MDH1: variants seen among roughly 807,000 people sequenced by gnomAD.
MDH1 encodes the protein malate dehydrogenase 1, also known as malate dehydrogenase, cytoplasmic.
In MDH1, 15 loss-of-function variants were observed where a neutral mutation model predicts 38.7. The ratio of observed to expected loss-of-function variants is 0.39; its 90% CI spans 0.26 to 0.60. The LOEUF (loss-of-function observed/expected upper bound fraction) is 0.60, where lower values mean the gene tolerates loss of function less well. Ranked by LOEUF, MDH1 falls within the 20% of genes least tolerant of loss-of-function variation. The pLI is 0.56. For synonymous variants in MDH1, 144 were observed against 143.6 expected (o/e 1.00, Z -0.02); for missense variants, 368 against 405.2 (o/e 0.91, Z 0.79).
Position 63,605,937 on chromosome 2 carries a change from A to G in MDH1, c.790-2A>G. On this transcript the variant is annotated splice_acceptor_variant, in intron 7 of 8. Coordinates refer to ENST00000233114, the MANE Select transcript of MDH1 (RefSeq NM_005917.4). LOFTEE classifies it high-confidence loss of function. ...GAGTATGTGAAACATTGTTATTTTC[A>G]GGGAGAGTTTGTGTCCATGGGTGTT... 1 of 1,612,416 alleles carries G rather than the reference A, an allele frequency of 6.2e-7. No homozygotes were observed. Among genetic ancestry groups the G allele is most frequent in the Non-Finnish European group, 8.5e-7 (1 of 1,178,384 alleles).
chr2:63,605,369 G>A lies in MDH1; in HGVS notation c.765G>A (p.Arg255=), dbSNP rs1346659320. Residue 255 remains arginine, a synonymous_variant, in exon 7 of 9, where the codon AGG becomes AGA. Coordinates refer to ENST00000233114, the MANE Select transcript of MDH1 (RefSeq NM_005917.4). ...SAAKAICDHV[R]DIWFGTPEGE... is the part of the protein sequence containing the mutation. ...CAAAAGCCATCTGTGACCACGTCAG[G>A]GACATCTGGTTTGGAACCCCAGAGG... 2.5e-6 allele frequency: 4 copies of A among 1,614,046 alleles called. No individual in the cohort carries two copies. The highest frequency in any genetic ancestry group is 3.4e-6 in the Non-Finnish European group (4 of 1,179,920).
At chr2:63,599,030 C>T (rs7591566) in intron 4 of MDH1, 140 bp from the exon 5 acceptor site, 1 of 586,034 alleles carries the variant, frequency 1.7e-6, no homozygotes, top group Non-Finnish European at 2.7e-6. Context: ...AATGCATTTT[C>T]CTATGCTATA....
At chr2:63,592,409 C>T (rs1462217358) in intron 1 of MDH1, among the ~76,000 whole-genome samples, 1 of 152,216 alleles carries the variant, frequency 6.6e-6, no homozygotes, top group Admixed American at 6.5e-5. Flanking sequence ...GAAGTGCACT[C>T]ACACAGTAAT....
At position 63,595,433 on chromosome 2, in the gene MDH1, T is replaced by C; in HGVS notation, c.113T>C (p.Leu38Pro). The C allele has an allele frequency of 6.2e-7, 1 of 1,607,132 alleles. No individual in the cohort carries two copies. Among genetic ancestry groups the C allele is most frequent in the Non-Finnish European group, 8.5e-7 (1 of 1,173,640 alleles). Residue 38 changes from leucine to proline, a missense_variant, in exon 3 of 9, where the codon CTT (leucine) becomes CCT (proline). Physicochemically the swap from Leu to Pro is moderately conservative, Grantham distance 98 (BLOSUM62 -3). Transcript: ENST00000233114. ...SVFGKDQPIILVLLDITPMMG... is the reference protein window; with the variant it reads ...SVFGKDQPIIPVLLDITPMMG... ...CTTGCTATTTGGTAGCCTATAATTC[T>C]TGTGCTGTTGGATATCACCCCCATG...
chr2:63,588,983 G>A lies in MDH1; in HGVS notation c.-61G>A. ...TCTCCGAGTCAGTTCCGCGGTAGAG[G>A]TGACCTGACTCTCTGAGGCTCATTT... is the stretch of plus-strand genomic sequence containing the variant. On this transcript the variant is annotated 5_prime_UTR_variant, in exon 1 of 9. The change creates a new upstream start codon in the 5' untranslated region. Coordinates refer to ENST00000233114, the MANE Select transcript of MDH1 (RefSeq NM_005917.4). 2 of 1,613,284 alleles carry A rather than the reference G, an allele frequency of 1.2e-6. No individual in the cohort carries two copies. The highest frequency in any genetic ancestry group is 1.7e-6 in the Non-Finnish European group (2 of 1,179,270).
intron 4 of MDH1, among the ~76,000 whole-genome samples, chr2:63,598,763 A>G (rs570982417): frequency 1.3e-5 from 2 of 152,256 alleles, no homozygotes; most frequent in East Asian, 3.9e-4. Flanking sequence ...ATTGCAGGCT[A>G]TTTGGAGGTA....
rs150391434 is a variant in MDH1, at chr2:63,589,064, G to T, written c.3+18G>T. On this transcript the variant is annotated intron_variant, in intron 1 of 8. Transcript: ENST00000233114. ...CAATCATGGTGAGTGTGGGCCCCGGGTTCCTGCCCACCTCTGGCCCTCGCG... is the reference window on the plus strand; with the variant it reads ...CAATCATGGTGAGTGTGGGCCCCGGTTTCCTGCCCACCTCTGGCCCTCGCG... 7.2e-4 allele frequency: 1,159 copies of T among 1,614,098 alleles called. 6 individuals are homozygous for T. In the African/African-American group the frequency reaches 0.013, roughly 19 times the overall value.
rs1709507052 is a variant in MDH1, at chr2:63,605,311, A to G, written c.707A>G (p.Lys236Arg). The change falls in exon 7 of 9, where the codon AAG (lysine) becomes AGG (arginine). Residue 236 changes from lysine (K) to arginine (R), a missense_variant. By Grantham distance (26) the Lys-to-Arg change is conservative. Coordinates refer to ENST00000233114, the MANE Select transcript of MDH1 (RefSeq NM_005917.4). ...CAGCAGCGTGGCGCTGCTGTCATCA[A>G]GGCTCGAAAACTATCCAGTGCCATG... ...TVQQRGAAVIKARKLSSAMSA... is the reference protein window; with the variant it reads ...TVQQRGAAVIRARKLSSAMSA... 1 of 1,614,070 alleles carries G rather than the reference A, an allele frequency of 6.2e-7. No homozygotes were observed. The highest frequency in any genetic ancestry group is 1.1e-5 in the South Asian group (1 of 91,094).
chr2:63,601,252 A>C (rs1257803983), intron 5 of MDH1, among the ~76,000 whole-genome samples: 3 of 152,220 alleles, frequency 2.0e-5, no homozygotes, highest in Admixed American at 2.0e-4. Flanking sequence ...CCAGTGAGAA[A>C]AATAACAAAC....
intron 1 of MDH1, chr2:63,589,322 G>A (rs1222053522): frequency 2.6e-6 from 4 of 1,550,658 alleles, no homozygotes; most frequent in African/African-American, 2.7e-5. Flanking sequence ...ATGACGGGAG[G>A]ACAAAATGCG....
chr2:63,602,219 G>C (rs1003639267), intron 5 of MDH1, among the ~76,000 whole-genome samples: 1 of 152,180 alleles, frequency 6.6e-6, no homozygotes, highest in Non-Finnish European at 1.5e-5. Context: ...AAGAGTGGGA[G>C]TGAAAGTAAA....
chr2:63,595,521 T>A lies in MDH1; in HGVS notation c.199+2T>A, dbSNP rs1709293538. The A allele has an allele frequency of 1.3e-6, 2 of 1,580,948 alleles. No homozygotes were observed. The highest frequency in any genetic ancestry group is 8.7e-7 in the Non-Finnish European group (1 of 1,149,998). On this transcript the variant is annotated splice_donor_variant, in intron 3 of 8. Transcript: ENST00000233114. LOFTEE classifies it high-confidence loss of function. ...ACTGTGCCCTTCCCCTCCTGAAAGG[T>A]GGGTTGGGGAGTAGAGAAGGGATTT...
chr2:63,592,818 A>C (rs1709225579), intron 1 of MDH1, among the ~76,000 whole-genome samples: 1 of 152,150 alleles, frequency 6.6e-6, no homozygotes, highest in African/African-American at 2.4e-5. Flanking sequence ...TGTTCTAGGC[A>C]ATTGAGATAC....
intron 1 of MDH1, among the ~76,000 whole-genome samples, chr2:63,592,321 A>C (rs1158766715): frequency 6.6e-6 from 1 of 152,222 alleles, no homozygotes; most frequent in Non-Finnish European, 1.5e-5. Flanking sequence ...AATATATATG[A>C]ATAAAATACC....
In MDH1 at chr2:63,595,441, T is replaced by C; in HGVS notation, c.121T>C (p.Leu41=). ...TTGGTAGCCTATAATTCTTGTGCTG[T>C]TGGATATCACCCCCATGATGGGTGT... The part of the protein sequence containing the change: ...GKDQPIILVL[L]DITPMMGVLD... The change falls in exon 3 of 9, where the codon TTG becomes CTG. Residue 41 remains leucine (L), a synonymous_variant. Coordinates refer to ENST00000233114, the MANE Select transcript of MDH1 (RefSeq NM_005917.4). 2 of 1,610,864 alleles carry C rather than the reference T, an allele frequency of 1.2e-6. No homozygotes were observed. Among genetic ancestry groups the C allele is most frequent in the South Asian group, 2.2e-5 (2 of 91,010 alleles).
chr2:63,600,926 C>T (rs1024820521), intron 5 of MDH1, among the ~76,000 whole-genome samples: 3 of 152,190 alleles, frequency 2.0e-5, no homozygotes, highest in African/African-American at 7.2e-5. Context: ...ACAACAATGA[C>T]ACTAACAACC....
intron 8 of MDH1, 89 bp downstream of exon 8, chr2:63,606,117 C>T (rs531199127): frequency 4.1e-6 from 5 of 1,232,054 alleles, no homozygotes; most frequent in East Asian, 4.7e-5. Flanking sequence ...CACAGTGGCT[C>T]ACGCCTATAA....
At chr2:63,591,818 A>G (rs1215829170) in intron 1 of MDH1, among the ~76,000 whole-genome samples, 4 of 152,242 alleles carry the variant, frequency 2.6e-5, no homozygotes, top group Admixed American at 1.3e-4. Context: ...CTGTGATGAT[A>G]TTTATAAATA....
At chr2:63,600,243 C>T (rs891280813) in intron 5 of MDH1, among the ~76,000 whole-genome samples, 4 of 152,228 alleles carry the variant, frequency 2.6e-5, no homozygotes, top group African/African-American at 9.7e-5. Context: ...TGTTAAGCAT[C>T]TACTGTAAAT....
Sources: allele counts gnomAD v4.1 joint callset (sites outside exome capture counted in the v4.1 genomes callset), GRCh38; gene constraint gnomAD v4.1.1; transcripts MANE v1.5; gene names NCBI Gene and HGNC (gene_info 2026-07-23, HGNC 2026-07-21).